UBAP2L: variants seen among roughly 807,000 people sequenced by gnomAD.
UBAP2L encodes ubiquitin-associated protein 2-like.
In UBAP2L, 12 loss-of-function variants were observed where a neutral mutation model predicts 130.6. The ratio of observed to expected loss-of-function variants is 0.09; its 90% confidence interval spans 0.06 to 0.15. The LOEUF is 0.15. Ranked by LOEUF, UBAP2L falls within the 10% of genes least tolerant of loss-of-function variation. The pLI is 1.00. For synonymous variants in UBAP2L, 503 were observed against 524.7 expected, an observed-to-expected ratio of 0.96 and a Z score of 0.57; for missense variants, 965 against 1,332.5, an observed-to-expected ratio of 0.72 and a Z score of 4.29.
At chr1:154,267,030 C>A (rs925832019) in intron 25 of UBAP2L, among the ~76,000 whole-genome samples, 8 of 152,078 alleles carry the variant, frequency 5.3e-5, no homozygotes, top group African/African-American at 1.9e-4. Context: ...TATCCCCCAT[C>A]ACCATAAATA....
intron 26 of UBAP2L, chr1:154,269,364 A>G: frequency 7.6e-7 from 1 of 1,321,912 alleles, no homozygotes; most frequent in Non-Finnish European, 1.0e-6. Context: ...TGCCTCAGCT[A>G]CCATATTTGC....
chr1:154,269,495 A>T, intron 26 of UBAP2L: 1 of 1,175,852 alleles, frequency 8.5e-7, no homozygotes, highest in Non-Finnish European at 1.1e-6. Flanking sequence ...GAACTTGAAA[A>T]GACTGCGCGG....
chr1:154,242,963 A>T, intron 9 of UBAP2L: 1 of 241,278 alleles, frequency 4.1e-6, no homozygotes, highest in Admixed American at 5.6e-5. Context: ...GCATGCCTGT[A>T]AGTTCAGTAT....
intron 17 of UBAP2L, 65 bp downstream of exon 17, chr1:154,255,391 A>G (rs1468637499): frequency 4.4e-6 from 7 of 1,577,232 alleles, no homozygotes; most frequent in East Asian, 4.5e-5. Context: ...TCTGGTCCTT[A>G]TTACTCCCTT....
chr1:154,262,105 C>T (rs533996431), intron 24 of UBAP2L, among the ~76,000 whole-genome samples: 3 of 152,274 alleles, frequency 2.0e-5, no homozygotes, highest in African/African-American at 7.2e-5. Flanking sequence ...AGCTAGCAGC[C>T]TACGATAGGT....
intron 2 of UBAP2L, 119 bp downstream of exon 2, chr1:154,225,332 C>A: frequency 9.0e-7 from 1 of 1,117,010 alleles, no homozygotes; most frequent in Non-Finnish European, 1.3e-6. Context: ...TTTTTGTTTT[C>A]TAGTCCTTGG....
chr1:154,234,767 T>C lies in UBAP2L; in HGVS notation c.448+8T>C. 1 of 1,576,452 alleles carries C rather than the reference T, an allele frequency of 6.3e-7. No individual in the cohort carries two copies. The highest frequency in any genetic ancestry group is 8.6e-7 in the Non-Finnish European group (1 of 1,159,778). ...CCAGCCGTGGACGAGAGTGTATGCATGGGGCTTTATCAAAACCAGCTGTGG... is the reference window on the plus strand; with the variant it reads ...CCAGCCGTGGACGAGAGTGTATGCACGGGGCTTTATCAAAACCAGCTGTGG... On this transcript the variant is annotated splice_region_variant and intron_variant, in intron 5 of 26. Coordinates refer to ENST00000428931, the MANE Select transcript of UBAP2L (RefSeq NM_014847.4).
chr1:154,257,470 G>T (rs776137185), intron 20 of UBAP2L, 36 bp downstream of exon 20: 7 of 1,608,342 alleles, frequency 4.4e-6, no homozygotes, highest in East Asian at 2.2e-5. Context: ...CAAAAGGTGA[G>T]GATGTTGTGG....
intron 4 of UBAP2L, among the ~76,000 whole-genome samples, chr1:154,229,567 G>A (rs1490854589): frequency 6.6e-6 from 1 of 152,072 alleles, no homozygotes. Flanking sequence ...GGGCTTAGGT[G>A]ATCCTCCTAC....
Position 154,254,075 on chromosome 1 carries a change from C to T in UBAP2L, c.1840C>T (p.Leu614=). The part of the protein sequence containing the change: ...SSISSSPQKD[L]TQAKNGFSSV... ...CATCTCTTCATCACCCCAAAAGGACCTGACTCAGGCAAAGGTAGTGGCTTC... is the reference window on the plus strand; with the variant it reads ...CATCTCTTCATCACCCCAAAAGGACTTGACTCAGGCAAAGGTAGTGGCTTC... The change falls in exon 15 of 27, where the codon CTG becomes TTG. Residue 614 remains leucine, a synonymous_variant. Coordinates refer to ENST00000428931, the MANE Select transcript of UBAP2L (RefSeq NM_014847.4). 6.4e-7 allele frequency: 1 copy of T among 1,563,690 alleles called. No individual in the cohort carries two copies. Among genetic ancestry groups the T allele is most frequent in the Non-Finnish European group, 8.6e-7 (1 of 1,158,828 alleles).
upstream of UBAP2L, chr1:154,220,234 G>C (rs879325787): frequency 1.5e-6 from 2 of 1,362,596 alleles, no homozygotes; most frequent in African/African-American, 1.4e-5. Context: ...TCAAAGCCCG[G>C]ATAGGCGCAG....
chr1:154,237,247 G>A, intron 8 of UBAP2L, 111 bp downstream of exon 8: 1 of 949,626 alleles, frequency 1.1e-6, no homozygotes, highest in Non-Finnish European at 1.6e-6. Flanking sequence ...TATGGAGATA[G>A]GGTGAGAAAG....
Position 154,254,132 on chromosome 1 carries a change from T to C in UBAP2L, c.1854+43T>C, listed in dbSNP as rs200694287. Reference sequence around the variant, plus strand: ...CCTTGGGAATTGGTTAGGAGAATAGTGGGCAAAAATTCCTTAAATATTAGT... The same window carrying C: ...CCTTGGGAATTGGTTAGGAGAATAGCGGGCAAAAATTCCTTAAATATTAGT... On this transcript the variant is annotated intron_variant, in intron 15 of 26. Transcript: ENST00000428931. 2.5e-4 allele frequency: 362 copies of C among 1,445,482 alleles called. 4 individuals carry two copies. In the Middle Eastern group the frequency reaches 8.9e-3, roughly 36 times the overall value. 89.5% of individuals were successfully genotyped at this position (1,445,482 alleles called of 1,614,324 possible). A position where few individuals can be genotyped will look rare whatever the true frequency, so the allele number is the denominator to read the frequency against.
chr1:154,263,803 A>G lies in UBAP2L; in HGVS notation c.2902+2106A>G, dbSNP rs1421111787. 7.9e-5 allele frequency among the ~76,000 whole-genome samples: 12 copies of G among 152,194 alleles called. No homozygotes were observed. The East Asian group carries it at 1.3e-3, about 17-fold the overall frequency. On this transcript the variant is annotated intron_variant, in intron 24 of 26. Transcript: ENST00000428931. ...TACATAAGCAGTGGGGGAAAGGACA[A>G]AAAAGTTTGGAGTGTCATGTCATGG...
intron 12 of UBAP2L, 103 bp from the exon 13 acceptor site, chr1:154,250,938 T>C: frequency 7.8e-7 from 1 of 1,274,630 alleles, no homozygotes; most frequent in Admixed American, 2.3e-5. Context: ...TATATGAGTT[T>C]CTGATTTTTA....
At chr1:154,228,467 G>C in intron 3 of UBAP2L, 148 bp from the exon 4 acceptor site, 1 of 562,984 alleles carries the variant, frequency 1.8e-6, no homozygotes, top group Non-Finnish European at 3.2e-6. Context: ...GATTATAGGC[G>C]TGAGCCACTG....
At chr1:154,249,124 C>T (rs1387541888) in intron 11 of UBAP2L, 115 bp from the exon 12 acceptor site, 16 of 923,726 alleles carry the variant, frequency 1.7e-5, no homozygotes, top group Non-Finnish European at 2.3e-5. Context: ...CTCAGTGTGA[C>T]AGTATTCTTT....
At chr1:154,265,036 C>T (rs1256102753) in intron 24 of UBAP2L, among the ~76,000 whole-genome samples, 1 of 152,200 alleles carries the variant, frequency 6.6e-6, no homozygotes, top group African/African-American at 2.4e-5. Context: ...ACTTCAGTGT[C>T]TTTAGACAGT....
In UBAP2L at chr1:154,255,679, A is replaced by G. The variant is rs775131722; in HGVS notation, c.2085-4A>G. The G allele has an allele frequency of 6.2e-6, 10 of 1,613,934 alleles. No homozygotes were observed. The highest frequency in any genetic ancestry group is 8.5e-6 in the Non-Finnish European group (10 of 1,179,964). Reference sequence around the variant, plus strand: ...GCTGATGGCAGCCTCTTTTTTTCTGACAGCACGTTATCTACGCAGCAGAAT... The same window carrying G: ...GCTGATGGCAGCCTCTTTTTTTCTGGCAGCACGTTATCTACGCAGCAGAAT... On this transcript the variant is annotated splice_region_variant and splice_polypyrimidine_tract_variant and intron_variant, in intron 17 of 26. Coordinates refer to ENST00000428931, the MANE Select transcript of UBAP2L (RefSeq NM_014847.4).
Sources: gnomAD v4.1 joint callset for allele counts (sites outside exome capture counted in the v4.1 genomes callset) on GRCh38, gnomAD v4.1.1 for gene constraint, MANE v1.5 for transcripts, NCBI Gene and HGNC (gene_info 2026-07-23, HGNC 2026-07-21) for gene names.